The following SLC4A7 variants were observed in gnomAD, a reference collection of about 807,000 sequenced individuals.
SLC4A7 encodes sodium bicarbonate cotransporter 3.
In SLC4A7, 51 loss-of-function variants were observed where a neutral mutation model predicts 137.6. The ratio of observed to expected loss-of-function variants is 0.37; its 90% CI spans 0.30 to 0.47. The LOEUF (loss-of-function observed/expected upper bound fraction) is 0.47. Ranked by LOEUF, SLC4A7 falls within the 20% of genes least tolerant of loss-of-function variation. The pLI is 1.00. For synonymous variants in SLC4A7, 542 were observed against 518.6 expected, an observed-to-expected ratio of 1.05 and a Z score of -0.61; for missense variants, 1,247 against 1,525.4, an observed-to-expected ratio of 0.82 and a Z score of 3.04.
At chr3:27,448,991 G>T (rs907220959) in intron 2 of SLC4A7, among the ~76,000 whole-genome samples, 194 bp from the exon 3 acceptor site, 1 of 152,072 alleles carries the variant, frequency 6.6e-6, no homozygotes, top group Non-Finnish European at 1.5e-5. Context: ...ACTGACAGAT[G>T]ATTACACTAA....
rs1482560536 is a variant in SLC4A7 at position 27,398,246 on chromosome 3, A to G, written c.2535T>C (p.Phe845=). ...ATTGCTTGAGGAATGAAGACAGAAA[A>G]AATGTTGTGAAAAACAAGATGACAC... The part of the protein sequence containing the change: ...FWCVILFFTT[F]FLSSFLKQFK... The change falls in exon 17 of 26, where the codon TTT becomes TTC. Residue 845 remains phenylalanine, a synonymous_variant. Transcript: ENST00000454389. 2.5e-6 allele frequency: 4 copies of G among 1,613,314 alleles called. No individual in the cohort carries two copies. Among genetic ancestry groups the G allele is most frequent in the Non-Finnish European group, 3.4e-6 (4 of 1,179,498 alleles).
At position 27,420,792 on chromosome 3, in the gene SLC4A7, G is replaced by A; in HGVS notation, c.1425-5C>T. ...CCCAATAACAAAAACAAAAACCTAA[G>A]GAAATATGAAAATACAGATTTTAAA... On this transcript the variant is annotated splice_polypyrimidine_tract_variant and splice_region_variant and intron_variant, in intron 9 of 25. Coordinates refer to ENST00000454389, the MANE Select transcript of SLC4A7 (RefSeq NM_001321103.2). 2 of 1,600,720 alleles carry A rather than the reference G, an allele frequency of 1.2e-6. No homozygotes were observed. Among genetic ancestry groups the A allele is most frequent in the South Asian group, 1.1e-5 (1 of 90,556 alleles).
intron 3 of SLC4A7, among the ~76,000 whole-genome samples, chr3:27,441,470 A>C (rs2057187722): frequency 6.6e-6 from 1 of 152,080 alleles, no homozygotes; most frequent in African/African-American, 2.4e-5. Flanking sequence ...CTACACATTT[A>C]ATGTCTTTAA....
chr3:27,396,811 CAA>C (rs1359357021), intron 18 of SLC4A7, among the ~76,000 whole-genome samples: 2 of 151,912 alleles, frequency 1.3e-5, no homozygotes, highest in Non-Finnish European at 2.9e-5. Context: ...TGGAAGAAAA[CAA>C]AAACAGAGCA....
chr3:27,464,942 T>C (rs1394807153), intron 1 of SLC4A7, among the ~76,000 whole-genome samples: 1 of 152,104 alleles, frequency 6.6e-6, no homozygotes, highest in Non-Finnish European at 1.5e-5. Context: ...GCTGTGTTGT[T>C]CTTTCTTTTT....
chr3:27,469,291 G>A (rs888695831), intron 1 of SLC4A7, among the ~76,000 whole-genome samples: 2 of 151,960 alleles, frequency 1.3e-5, no homozygotes, highest in Non-Finnish European at 2.9e-5. Context: ...ACACCAGCTG[G>A]GTGTCCTCTA....
chr3:27,475,346 C>T (rs1023229336), intron 1 of SLC4A7, among the ~76,000 whole-genome samples: 2 of 150,586 alleles, frequency 1.3e-5, no homozygotes, highest in Non-Finnish European at 3.0e-5. Context: ...ACGAGCCCTA[C>T]GAGATAAGTT....
At chr3:27,435,514 C>T (rs1175235180) in intron 5 of SLC4A7, among the ~76,000 whole-genome samples, 1 of 152,128 alleles carries the variant, frequency 6.6e-6, no homozygotes, top group Non-Finnish European at 1.5e-5. Flanking sequence ...ACTTAAAAAC[C>T]ATCAAGACCA....
At chr3:27,473,371 A>T (rs1360616889) in intron 1 of SLC4A7, among the ~76,000 whole-genome samples, 1 of 152,052 alleles carries the variant, frequency 6.6e-6, no homozygotes, top group Non-Finnish European at 1.5e-5. Context: ...AAACAAGCTG[A>T]ATTACTTTAA....
At chr3:27,409,045 T>C (rs567300548) in intron 13 of SLC4A7, among the ~76,000 whole-genome samples, 1 of 152,146 alleles carries the variant, frequency 6.6e-6, no homozygotes, top group Non-Finnish European at 1.5e-5. Context: ...TCAGTTCAAC[T>C]GTTGTCTTCT....
intron 13 of SLC4A7, among the ~76,000 whole-genome samples, chr3:27,408,729 T>C (rs552163257): frequency 4.6e-5 from 7 of 152,310 alleles, no homozygotes; most frequent in African/African-American, 1.7e-4. Context: ...CTGAATACAG[T>C]ATAACCAGGA....
chr3:27,469,889 T>C (rs1421655267), intron 1 of SLC4A7, among the ~76,000 whole-genome samples: 3 of 152,214 alleles, frequency 2.0e-5, no homozygotes, highest in South Asian at 2.1e-4. Flanking sequence ...CTTTTAGAAA[T>C]AAACATTCAA....
At position 27,448,521 on chromosome 3, in the gene SLC4A7, T is replaced by C. The variant is rs1321392161; in HGVS notation, c.289+130A>G. 6.2e-6 allele frequency: 4 copies of C among 646,820 alleles called. No homozygotes were observed. In the East Asian group the frequency reaches 1.2e-4, roughly 19 times the overall value. The allele number at this position is 646,820 out of a possible 1,614,324, so 40.1% of individuals were successfully genotyped here. ...CTTCAATTGATATTCCCCAATACAA[T>C]ACATTCCCCATACAATGTGACTACA... On this transcript the variant is annotated intron_variant, in intron 3 of 25. Coordinates refer to ENST00000454389, the MANE Select transcript of SLC4A7 (RefSeq NM_001321103.2).
At position 27,404,917 on chromosome 3, in the gene SLC4A7, T is replaced by G; in HGVS notation, c.1988A>C (p.Tyr663Ser). Reference sequence around the variant, plus strand: ...TAGAGGTTGCCCAGCAAACAATGAATAGGCAATCCCAGTTAATGATGCTCC... The same window carrying G: ...TAGAGGTTGCCCAGCAAACAATGAAGAGGCAATCCCAGTTAATGATGCTCC... ...LFGASLTGIAYSLFAGQPLTI... is the reference protein window; with the variant it reads ...LFGASLTGIASSLFAGQPLTI... The change falls in exon 14 of 26, where the codon TAT (tyrosine) becomes TCT (serine). Residue 663 changes from tyrosine to serine, a missense_variant. Tyr to Ser is a moderately radical substitution (Grantham distance 144). Coordinates refer to ENST00000454389, the MANE Select transcript of SLC4A7 (RefSeq NM_001321103.2). 1 of 1,610,686 alleles carries G rather than the reference T, an allele frequency of 6.2e-7. No individual in the cohort carries two copies. Among genetic ancestry groups the G allele is most frequent in the Non-Finnish European group, 8.5e-7 (1 of 1,178,666 alleles).
chr3:27,404,502 T>C (rs1201667883), intron 14 of SLC4A7, among the ~76,000 whole-genome samples: 1 of 152,264 alleles, frequency 6.6e-6, no homozygotes, highest in Non-Finnish European at 1.5e-5. Context: ...CACTTCACTC[T>C]GATTGCTTCA....
intron 12 of SLC4A7, among the ~76,000 whole-genome samples, chr3:27,411,181 A>T (rs1488024273): frequency 6.6e-6 from 1 of 152,170 alleles, no homozygotes; most frequent in Non-Finnish European, 1.5e-5. Context: ...AGAGCAATAC[A>T]ATGGTTTAAT....
rs1186751493 is a variant in SLC4A7 at position 27,394,106 on chromosome 3, C to A, written c.3117+412G>T. On this transcript the variant is annotated intron_variant, in intron 20 of 25. Coordinates refer to ENST00000454389, the MANE Select transcript of SLC4A7 (RefSeq NM_001321103.2). ...CAATCACGGCTCACTGCAGCCTTGA[C>A]CTCCCAGGTTCAAGCGATCCTCCCA... Among the ~76,000 whole-genome samples the A allele has an allele frequency of 3.9e-5, 6 of 152,008 alleles. No homozygotes were observed. The East Asian group carries it at 1.2e-3, about 29-fold the overall frequency.
At chr3:27,463,225 A>G (rs2058792989) in intron 1 of SLC4A7, among the ~76,000 whole-genome samples, 1 of 152,228 alleles carries the variant, frequency 6.6e-6, no homozygotes, top group Non-Finnish European at 1.5e-5. Context: ...CAGGAGATCC[A>G]GACCATCCTA....
chr3:27,418,933 C>T (rs567634850), intron 10 of SLC4A7, among the ~76,000 whole-genome samples: 2 of 152,182 alleles, frequency 1.3e-5, no homozygotes, highest in South Asian at 2.1e-4. Context: ...AACACTGTAG[C>T]GTGTCATTCT....
Sources: gnomAD v4.1 joint callset for allele counts (sites outside exome capture counted in the v4.1 genomes callset) on GRCh38, gnomAD v4.1.1 for gene constraint, MANE v1.5 for transcripts, NCBI Gene and HGNC (gene_info 2026-07-23, HGNC 2026-07-21) for gene names.